Variants in VWF observed in about 807,000 individuals in gnomAD.
VWF encodes Factor VIII related antigen.
Under a neutral mutation model 308.6 loss-of-function variants are expected in VWF, and 176 were observed. The ratio of observed to expected loss-of-function variants is 0.57; its 90% CI spans 0.50 to 0.65. VWF has a LOEUF of 0.65. Among genes scored for constraint, VWF ranks in the 30% least tolerant of loss-of-function variants. VWF has a pLI of 0.00. For synonymous variants in VWF, 1,385 were observed against 1,443.4 expected (o/e 0.96, Z 0.92); for missense variants, 3,146 against 3,648.2 (o/e 0.86, Z 3.55).
At chr12:6,105,540 A>G (rs1945233126) in intron 5 of VWF, among the ~76,000 whole-genome samples, 1 of 152,192 alleles carries the variant, frequency 6.6e-6, no homozygotes, top group Admixed American at 6.5e-5. Flanking sequence ...CCGGCCTTAT[A>G]CAAATTTTTA....
chr12:6,036,154 G>A (rs931292233), intron 19 of VWF, among the ~76,000 whole-genome samples: 31 of 152,176 alleles, frequency 2.0e-4, no homozygotes, highest in African/African-American at 6.5e-4. Flanking sequence ...CAAGCATTTC[G>A]GATAAGGGCT....
Position 6,056,996 on chromosome 12 carries a change from C to G in VWF, c.1806G>C (p.Leu602=). The G allele has an allele frequency of 6.5e-7, 1 of 1,546,966 alleles. No individual in the cohort carries two copies. The highest frequency in any genetic ancestry group is 8.7e-7 in the Non-Finnish European group (1 of 1,151,150). The change falls in exon 15 of 52, where the codon CTG becomes CTC. Residue 602 remains leucine (L), a synonymous_variant. Coordinates refer to ENST00000261405, the MANE Select transcript of VWF (RefSeq NM_000552.5). ...CGTAGCGGCAGTTCCGCAGGTAGGG[C>G]AGCGGGCTGACGGCACGATGGCAGG... ...FEACHRAVSP[L]PYLRNCRYDV...
intron 38 of VWF, among the ~76,000 whole-genome samples, chr12:5,989,918 C>T (rs1008564263): frequency 2.0e-5 from 3 of 152,144 alleles, no homozygotes; most frequent in Non-Finnish European, 4.4e-5. Context: ...GTTTCTAGCC[C>T]CATATGTAAA....
At chr12:6,080,045 C>A (rs1362513510) in intron 6 of VWF, among the ~76,000 whole-genome samples, 1 of 152,090 alleles carries the variant, frequency 6.6e-6, no homozygotes, top group Non-Finnish European at 1.5e-5. Flanking sequence ...CCCACTAACT[C>A]CCACCCCACA....
At chr12:6,038,026 G>C (rs1219369260) in intron 18 of VWF, among the ~76,000 whole-genome samples, 1 of 152,166 alleles carries the variant, frequency 6.6e-6, no homozygotes, top group Non-Finnish European at 1.5e-5. Flanking sequence ...TGACAGTGCA[G>C]GGCATAAGAT....
In VWF at chr12:6,052,735, C is replaced by T. The variant is rs1387523104; in HGVS notation, c.1994G>A (p.Cys665Tyr). 1.9e-6 allele frequency: 3 copies of T among 1,614,120 alleles called. No individual in the cohort carries two copies. Among genetic ancestry groups the T allele is most frequent in the Non-Finnish European group, 2.5e-6 (3 of 1,179,996 alleles). ...GQVYLQCGTP[C>Y]NLTCRSLSYP... ...AGAGAGAGAGCGGCAGGTCAGGTTG[C>T]AGGGGGTCCCGCACTGCAGGTACAC... is the stretch of plus-strand genomic sequence containing the variant. Residue 665 changes from cysteine (C) to tyrosine (Y), a missense_variant, in exon 16 of 52, where the codon TGC becomes TAC. Cys to Tyr is a radical substitution (Grantham distance 194). Coordinates refer to ENST00000261405, the MANE Select transcript of VWF (RefSeq NM_000552.5).
Position 6,016,196 on chromosome 12 carries a change from G to A in VWF, c.5348C>T (p.Ser1783Leu). ...TCCCGGCCTGGCACCATGCATTTCT[G>A]AAGTCAAGTATCGCACAGCAAAGCC... ...ALGFAVRYLT[S>L]EMHGARPGAS... Residue 1783 changes from serine to leucine, a missense_variant, in exon 31 of 52, where the codon TCA (serine) becomes TTA (leucine). By Grantham distance (145) the Ser-to-Leu change is moderately radical. This residue lies in a region of VWF where 853 missense variants were observed against 1,177.8 expected (regional missense o/e 0.72). Transcript: ENST00000261405. The A allele has an allele frequency of 6.2e-7, 1 of 1,614,192 alleles. No homozygotes were observed. Among genetic ancestry groups the A allele is most frequent in the Non-Finnish European group, 8.5e-7 (1 of 1,180,028 alleles).
chr12:5,998,438 C>T (rs1302881344), intron 34 of VWF, among the ~76,000 whole-genome samples: 2 of 116,636 alleles, frequency 1.7e-5, no homozygotes, highest in Non-Finnish European at 3.2e-5. Flanking sequence ...GCAGAGCTTG[C>T]AGTGAGCCGA....
In VWF at chr12:6,029,316, C is replaced by T. The variant is rs1160729644; in HGVS notation, c.2967+26G>A. On this transcript the variant is annotated intron_variant, in intron 22 of 51. Coordinates refer to ENST00000261405, the MANE Select transcript of VWF (RefSeq NM_000552.5). ...AACACTCCAAAGGCCAAGTCCCCAA[C>T]AAGATGAAGCAAGAAAGCCACTGAC... The T allele has an allele frequency of 2.5e-6, 4 of 1,613,854 alleles. No homozygotes were observed. The South Asian group carries it at 4.4e-5, about 18-fold the overall frequency.
At chr12:6,076,864 A>G (rs1287464970) in intron 6 of VWF, among the ~76,000 whole-genome samples, 3 of 152,208 alleles carry the variant, frequency 2.0e-5, no homozygotes, top group Non-Finnish European at 2.9e-5. Context: ...GAAAGCCCAC[A>G]GGAATAGAAA....
intron 47 of VWF, among the ~76,000 whole-genome samples, chr12:5,961,042 C>T (rs1021847927): frequency 3.9e-5 from 6 of 152,128 alleles, no homozygotes; most frequent in African/African-American, 1.4e-4. Flanking sequence ...CAAACCCTAC[C>T]GTGAACTGCA....
rs61164249 is a variant in VWF at position 6,029,103 on chromosome 12, G to A, written c.2967+239C>T. Among the ~76,000 whole-genome samples, 836 of 149,874 alleles carry A rather than the reference G, an allele frequency of 5.6e-3. 8 individuals carry two copies. The highest frequency in any genetic ancestry group is 0.019 in the African/African-American group (783 of 40,698). ...AATGGAAGGCAAAAAAAAAAAAGCA[G>A]GGGTTGCAATCCTAGTATCTGATAA... On this transcript the variant is annotated intron_variant, in intron 22 of 51. Coordinates refer to ENST00000261405, the MANE Select transcript of VWF (RefSeq NM_000552.5).
intron 3 of VWF, among the ~76,000 whole-genome samples, chr12:6,112,508 G>A (rs1446406980): frequency 6.6e-6 from 1 of 152,190 alleles, no homozygotes; most frequent in African/African-American, 2.4e-5. Context: ...AAGAGCTGAC[G>A]TGTGGGGCAC....
At chr12:6,017,997 T>C (rs1275213479) in intron 28 of VWF, among the ~76,000 whole-genome samples, 6 of 151,872 alleles carry the variant, frequency 4.0e-5, no homozygotes, top group Admixed American at 6.6e-5. Flanking sequence ...TTAACAGAGG[T>C]TACCTTGAAG....
intron 34 of VWF, among the ~76,000 whole-genome samples, chr12:6,000,640 T>C (rs1455455186): frequency 6.7e-6 from 1 of 149,924 alleles, no homozygotes; most frequent in Admixed American, 6.6e-5. Flanking sequence ...ACCCCGTCTC[T>C]ACAAAAAAAA....
At chr12:6,047,872 C>G (rs1944463811) in intron 16 of VWF, among the ~76,000 whole-genome samples, 2 of 152,218 alleles carry the variant, frequency 1.3e-5, no homozygotes, top group Non-Finnish European at 1.5e-5. Flanking sequence ...CCACCACAAA[C>G]AAAGCTGTGC....
At chr12:6,076,234 A>G (rs890191294) in intron 6 of VWF, among the ~76,000 whole-genome samples, 36 of 152,226 alleles carry the variant, frequency 2.4e-4, no homozygotes, top group Admixed American at 2.0e-3. Flanking sequence ...CTGATAACAC[A>G]GGCAGCTTTG....
rs773930658 is a variant in VWF, at chr12:6,071,282, C to T, written c.1156+15G>A. On this transcript the variant is annotated intron_variant, in intron 10 of 51. Coordinates refer to ENST00000261405, the MANE Select transcript of VWF (RefSeq NM_000552.5). The stretch of plus-strand genomic sequence containing the variant: ...TTCAGGGAAGGAGGAAGAGAATGAG[C>T]GGCAGGTCGCCTACCTGGACATTCT... 1.7e-5 allele frequency: 28 copies of T among 1,613,750 alleles called. No homozygotes were observed. Among genetic ancestry groups the T allele is most frequent in the Non-Finnish European group, 2.1e-5 (25 of 1,179,944 alleles).
intron 5 of VWF, among the ~76,000 whole-genome samples, chr12:6,099,335 A>C (rs1945137269): frequency 6.8e-6 from 1 of 147,122 alleles, no homozygotes; most frequent in Admixed American, 6.7e-5. Context: ...AAAAAAAAAA[A>C]AAAAAACCAA....
Sources: gnomAD v4.1 joint callset for allele counts (sites outside exome capture counted in the v4.1 genomes callset) on GRCh38, gnomAD v4.1.1 for gene constraint, gnomAD v4.1.1 regional missense constraint, MANE v1.5 for transcripts, NCBI Gene and HGNC (gene_info 2026-07-23, HGNC 2026-07-21) for gene names.